The following SEZ6 variants were observed in gnomAD, a reference collection of about 807,000 sequenced individuals.
SEZ6 encodes the protein seizure protein 6 homolog.
In SEZ6, 53 loss-of-function variants were observed where a neutral mutation model predicts 101.0. The ratio of observed to expected loss-of-function variants is 0.52; its 90% CI spans 0.42 to 0.66. SEZ6 has a LOEUF of 0.66. Among genes scored for constraint, SEZ6 ranks in the 30% least tolerant of loss-of-function variants. SEZ6 has a pLI of 0.00. For synonymous variants in SEZ6, 488 were observed against 512.2 expected (o/e 0.95, Z 0.64); for missense variants, 1,102 against 1,289.4 (o/e 0.85, Z 2.23).
At chr17:28,988,875 G>A (rs375094172) in intron 1 of SEZ6, among the ~76,000 whole-genome samples, 17 of 152,228 alleles carry the variant, frequency 1.1e-4, no homozygotes, top group East Asian at 3.9e-4. Context: ...GGGCAGGGTT[G>A]GGACTCAGGA....
intron 1 of SEZ6, among the ~76,000 whole-genome samples, chr17:28,993,921 G>A (rs911873366): frequency 7.2e-5 from 11 of 152,358 alleles, no homozygotes; most frequent in African/African-American, 2.4e-4. Context: ...GAAGGGGCTT[G>A]TTTTGTGCAC....
At chr17:28,995,511 A>G (rs1346658557) in intron 1 of SEZ6, among the ~76,000 whole-genome samples, 2 of 152,126 alleles carry the variant, frequency 1.3e-5, no homozygotes, top group Non-Finnish European at 2.9e-5. Context: ...AGGTGGAGAA[A>G]CAGGGTCTGA....
chr17:28,955,686 T>A lies in SEZ6; in HGVS notation c.*276A>T. The A allele has an allele frequency of 1.5e-6, 1 of 645,612 alleles. No homozygotes were observed. Among genetic ancestry groups the A allele is most frequent in the Non-Finnish European group, 2.9e-6 (1 of 348,486 alleles). 40.0% of individuals were successfully genotyped at this position (645,612 alleles called of 1,614,324 possible). A position where few individuals can be genotyped will look rare whatever the true frequency, so the allele number is the denominator to read the frequency against. ...ATGAGGAGGCTCAGGATGCTGGCTG[T>A]TGATGCTTGTGCTCCAGCTATGTTC... is the stretch of plus-strand genomic sequence containing the variant. On this transcript the variant is annotated 3_prime_UTR_variant, in exon 17 of 17. Coordinates refer to ENST00000317338, the MANE Select transcript of SEZ6 (RefSeq NM_178860.5).
Position 28,981,990 on chromosome 17 carries a change from G to C in SEZ6, c.105C>G (p.Ile35Met). The C allele has an allele frequency of 1.2e-6, 2 of 1,612,028 alleles. No homozygotes were observed. The highest frequency in any genetic ancestry group is 1.7e-6 in the Non-Finnish European group (2 of 1,179,194). ...PTVGKGQAPG[I>M]EETDGELTAA... ...CTGTCAGCTCGCCATCTGTCTCCTCGATGCCTGGGGCTTGTCCTTTCCCCA... is the reference window on the plus strand; with the variant it reads ...CTGTCAGCTCGCCATCTGTCTCCTCCATGCCTGGGGCTTGTCCTTTCCCCA... Residue 35 changes from isoleucine to methionine, a missense_variant, in exon 2 of 17, where the codon ATC (isoleucine) becomes ATG (methionine). Ile to Met is a conservative substitution (Grantham distance 10). Transcript: ENST00000317338.
At chr17:28,986,341 C>T (rs999110243) in intron 1 of SEZ6, among the ~76,000 whole-genome samples, 3 of 152,200 alleles carry the variant, frequency 2.0e-5, no homozygotes, top group African/African-American at 7.2e-5. Context: ...CCGCTTACCC[C>T]GCCTCACTTC....
At chr17:28,963,808 A>T in intron 5 of SEZ6, 154 bp downstream of exon 5, 1 of 795,870 alleles carries the variant, frequency 1.3e-6, no homozygotes, top group Non-Finnish European at 2.0e-6. Context: ...GATGCTCAAT[A>T]AGTGCAGGTT....
chr17:28,993,413 G>A (rs898771254), intron 1 of SEZ6, among the ~76,000 whole-genome samples: 17 of 152,140 alleles, frequency 1.1e-4, no homozygotes, highest in African/African-American at 2.4e-4. Flanking sequence ...AGCTGGGTGC[G>A]TGACTCACAG....
At chr17:28,970,810 G>A (rs1048310775) in intron 3 of SEZ6, among the ~76,000 whole-genome samples, 2 of 152,224 alleles carry the variant, frequency 1.3e-5, no homozygotes, top group South Asian at 4.1e-4. Flanking sequence ...CTGTGAAGCC[G>A]ATAATATGTA....
intron 13 of SEZ6, 25 bp downstream of exon 13, chr17:28,957,020 T>C (rs751021267): frequency 3.2e-6 from 5 of 1,548,292 alleles, no homozygotes; most frequent in Non-Finnish European, 4.4e-6. Context: ...CCAGGGAGGG[T>C]TTTGAGGGGT....
intron 1 of SEZ6, among the ~76,000 whole-genome samples, chr17:29,004,853 A>G (rs894689483): frequency 3.3e-5 from 5 of 152,098 alleles, no homozygotes; most frequent in African/African-American, 7.2e-5. Flanking sequence ...TCCCCGAGGC[A>G]CGGAACCCCT....
At chr17:28,960,727 G>A in intron 6 of SEZ6, 56 bp from the exon 7 acceptor site, 2 of 1,611,840 alleles carry the variant, frequency 1.2e-6, no homozygotes, top group Non-Finnish European at 1.7e-6. Context: ...ATGGGGTGTG[G>A]CCCCAGGCTT....
intron 14 of SEZ6, 64 bp downstream of exon 14, chr17:28,956,655 C>A (rs2040883153): frequency 6.5e-7 from 1 of 1,548,864 alleles, no homozygotes; most frequent in Non-Finnish European, 8.7e-7. Context: ...AAGCCCATGA[C>A]CTGGGAGCCG....
intron 3 of SEZ6, among the ~76,000 whole-genome samples, chr17:28,970,878 C>T (rs2041141871): frequency 6.6e-6 from 1 of 152,238 alleles, no homozygotes; most frequent in South Asian, 2.1e-4. Context: ...TGCTGACTGT[C>T]AGCTGGGCCT....
At chr17:28,994,058 G>A (rs1047670218) in intron 1 of SEZ6, among the ~76,000 whole-genome samples, 1 of 152,158 alleles carries the variant, frequency 6.6e-6, no homozygotes, top group African/African-American at 2.4e-5. Flanking sequence ...CCAGACCCCT[G>A]GGCTACCCTG....
chr17:28,987,952 T>C (rs2041405173), intron 1 of SEZ6, among the ~76,000 whole-genome samples: 1 of 152,142 alleles, frequency 6.6e-6, no homozygotes, highest in Non-Finnish European at 1.5e-5. Context: ...ACCTGGGGCC[T>C]CCTATCTCCC....
chr17:29,004,614 T>C (rs77043655), intron 1 of SEZ6, among the ~76,000 whole-genome samples: 2,280 of 152,316 alleles, frequency 0.015, 65 homozygotes, highest in African/African-American at 0.052. Context: ...CTGGCCGCGC[T>C]GCCTTGACCT....
Position 28,981,383 on chromosome 17 carries a change from C to T in SEZ6, c.712G>A (p.Val238Ile). 1 of 1,549,518 alleles carries T rather than the reference C, an allele frequency of 6.5e-7. No individual in the cohort carries two copies. Among genetic ancestry groups the T allele is most frequent in the Non-Finnish European group, 8.7e-7 (1 of 1,145,464 alleles). Residue 238 changes from valine to isoleucine, a missense_variant, in exon 2 of 17, where the codon GTC (valine) becomes ATC (isoleucine). Around this residue, in one of 3 missense-constraint regions of SEZ6, gnomAD observed 406 missense variants for 418.6 expected, o/e 0.97. Coordinates refer to ENST00000317338, the MANE Select transcript of SEZ6 (RefSeq NM_178860.5). ...TTIITTTITT[V>I]QTPGPCSWNF... Reference sequence around the variant, plus strand: ...GCAGGTAGCTGACCTGGTGTCTGGACTGTGGTGATGGTGGTGGTGATGATG... The same window carrying T: ...GCAGGTAGCTGACCTGGTGTCTGGATTGTGGTGATGGTGGTGGTGATGATG...
At chr17:28,977,711 G>C (rs528288757) in intron 3 of SEZ6, among the ~76,000 whole-genome samples, 2 of 152,098 alleles carry the variant, frequency 1.3e-5, no homozygotes, top group African/African-American at 4.8e-5. Flanking sequence ...GTAGGCTTGG[G>C]GGGGGCAGAC....
rs1598215502 is a variant in SEZ6 at position 28,999,530 on chromosome 17, T to C, written c.55+6285A>G. Among the ~76,000 whole-genome samples, 3 of 152,286 alleles carry C rather than the reference T, an allele frequency of 2.0e-5. No homozygotes were observed. The South Asian group carries it at 6.2e-4, about 32-fold the overall frequency. On this transcript the variant is annotated intron_variant, in intron 1 of 16. Coordinates refer to ENST00000317338, the MANE Select transcript of SEZ6 (RefSeq NM_178860.5). ...AATCGGCAGGTTTGTGGATTGTTGT[T>C]GGAGAAGCCGCAGGTTTGTTTGCTC...
Sources: gnomAD v4.1 joint callset for allele counts (sites outside exome capture counted in the v4.1 genomes callset) on GRCh38, gnomAD v4.1.1 for gene constraint, gnomAD v4.1.1 regional missense constraint, MANE v1.5 for transcripts, NCBI Gene and HGNC (gene_info 2026-07-23, HGNC 2026-07-21) for gene names.